SPI1: variants seen among roughly 807,000 people sequenced by gnomAD.
SPI1 encodes Spi-1 proto-oncogene, also known as transcription factor PU.1.
A neutral mutation model predicts 30.7 loss-of-function variants in SPI1; 3 were observed. That is an observed-to-expected ratio of 0.10 (90% CI 0.04 to 0.25). The LOEUF is 0.25. Ranked by LOEUF, SPI1 falls within the 10% of genes least tolerant of loss-of-function variation. The pLI, the probability that SPI1 is intolerant of heterozygous loss-of-function variation, is 1.00. For missense variants in SPI1, 261 were observed against 371.5 expected (o/e 0.70, Z 2.45); for synonymous variants, 169 against 157.1 (o/e 1.08, Z -0.56).
In SPI1 at chr11:47,375,547, G is replaced by T; in HGVS notation, c.142+86C>A. The T allele has an allele frequency of 2.8e-6, 3 of 1,075,596 alleles. No homozygotes were observed. The South Asian group carries it at 3.9e-5, about 14-fold the overall frequency. The allele number at this position is 1,075,596 out of a possible 1,614,324, so 66.6% of individuals were successfully genotyped here. On this transcript the variant is annotated intron_variant, in intron 2 of 4. Coordinates refer to ENST00000378538, the MANE Select transcript of SPI1 (RefSeq NM_003120.3). This position sits in a 1 kb window ranked among gnomAD's most constrained non-coding sequence, Gnocchi z 4.2. Reference sequence around the variant, plus strand: ...ATTCTCAGAATTCCAAAGAAGTCCTGGGAATCATTTATTCTTTTTCTCTCT... The same window carrying T: ...ATTCTCAGAATTCCAAAGAAGTCCTTGGAATCATTTATTCTTTTTCTCTCT...
In SPI1 at chr11:47,375,823, C is replaced by A; in HGVS notation, c.46-94G>T. The A allele has an allele frequency of 1.0e-6, 1 of 987,556 alleles. No homozygotes were observed. Among genetic ancestry groups the A allele is most frequent in the South Asian group, 1.3e-5 (1 of 78,032 alleles). The allele number at this position is 987,556 out of a possible 1,614,324, so 61.2% of individuals were successfully genotyped here. A position where few individuals can be genotyped will look rare whatever the true frequency, so the allele number is the denominator to read the frequency against. ...GCACGCTGGGTCCCCATCACCTTCC[C>A]TGGCTCAGTGGCTGCGTTGGACCTA... On this transcript the variant is annotated intron_variant, in intron 1 of 4. Transcript: ENST00000378538. The surrounding 1 kb of genome is among the most constrained non-coding windows in gnomAD (Gnocchi z 4.2).
In SPI1 at chr11:47,378,463, G is replaced by A. The variant is rs1339154456; in HGVS notation, c.-110C>T. Reference sequence around the variant, plus strand: ...CTGGACGGTCGTGGGGCGGGTGCAGGGCTCAGGCCTGCCCCCTGAGCTACA... The same window carrying A: ...CTGGACGGTCGTGGGGCGGGTGCAGAGCTCAGGCCTGCCCCCTGAGCTACA... On this transcript the variant is annotated 5_prime_UTR_variant, in exon 1 of 5. Coordinates refer to ENST00000378538, the MANE Select transcript of SPI1 (RefSeq NM_003120.3). 5.7e-6 allele frequency: 7 copies of A among 1,222,258 alleles called. No homozygotes were observed. The African/African-American group carries it at 9.0e-5, about 16-fold the overall frequency. 75.7% of individuals were successfully genotyped at this position (1,222,258 alleles called of 1,614,324 possible). A position where few individuals can be genotyped will look rare whatever the true frequency, so the allele number is the denominator to read the frequency against.
chr11:47,356,973 C>G, intron 4 of SPI1, among the ~76,000 whole-genome samples: 1 of 133,446 alleles, frequency 7.5e-6, no homozygotes, highest in Non-Finnish European at 1.7e-5. Context: ...CTCACGTCTG[C>G]TCACACACAT....
Position 47,355,503 on chromosome 11 carries a change from C to G in SPI1, c.537G>C (p.Leu179=). ...KIRLYQFLLD[L]LRSGDMKDSI... ...TGTCCTTCATGTCGCCGCTGCGGAG[C>G]AGGTCCAACAGGAACTGGTACAGGC... Residue 179 remains leucine (L), a synonymous_variant, in exon 5 of 5, where the codon CTG becomes CTC. Transcript: ENST00000378538. 1 of 1,608,898 alleles carries G rather than the reference C, an allele frequency of 6.2e-7. No homozygotes were observed. The highest frequency in any genetic ancestry group is 1.7e-4 in the Middle Eastern group (1 of 6,042).
At chr11:47,366,791 A>T (rs1296303104) in intron 2 of SPI1, among the ~76,000 whole-genome samples, 1 of 151,162 alleles carries the variant, frequency 6.6e-6, no homozygotes, top group Non-Finnish European at 1.5e-5. Context: ...ATTGCACTAC[A>T]GCCTGGACGA....
At chr11:47,373,957 AG>A (rs2095939162) in intron 2 of SPI1, among the ~76,000 whole-genome samples, 1 of 152,254 alleles carries the variant, frequency 6.6e-6, no homozygotes, top group Non-Finnish European at 1.5e-5. Flanking sequence ...TATTACAGGA[AG>A]GAAAACTGAG....
chr11:47,375,649 A>C lies in SPI1; in HGVS notation c.126T>G (p.Asp42Glu), dbSNP rs189217391. Residue 42 changes from aspartate to glutamate, a missense_variant, in exon 2 of 5, where the codon GAT becomes GAG. Around this residue, in one of 5 missense-constraint regions of SPI1, gnomAD observed 78 missense variants for 93.2 expected, o/e 0.84. Transcript: ENST00000378538. The surrounding 1 kb of genome is among the most constrained non-coding windows in gnomAD (Gnocchi z 4.2). ...CGTACTCACCGCTATGGCTCTCCCC[A>C]TCACTGCTGAGATAGGGGTAATACT... The part of the protein sequence containing the change: ...THEYYPYLSS[D>E]GESHSDHYWD... The C allele has an allele frequency of 3.1e-6, 5 of 1,613,734 alleles. No homozygotes were observed. Among genetic ancestry groups the C allele is most frequent in the Non-Finnish European group, 4.2e-6 (5 of 1,179,800 alleles).
At chr11:47,357,111 CCA>C (rs1452095250) in intron 4 of SPI1, among the ~76,000 whole-genome samples, 1 of 151,558 alleles carries the variant, frequency 6.6e-6, no homozygotes, top group South Asian at 2.1e-4. Context: ...ACATTCACAC[CCA>C]CTCACATGCT....
chr11:47,370,218 C>T (rs557552933), intron 2 of SPI1, among the ~76,000 whole-genome samples: 1 of 151,974 alleles, frequency 6.6e-6, no homozygotes, highest in African/African-American at 2.4e-5. Context: ...GCCTGGCCAA[C>T]ATGGTGAAAC....
rs745843503 is a variant in SPI1, at chr11:47,378,264, T to TCCGAGGG, written c.45+38_45+44dup. The TCCGAGGG allele has an allele frequency of 1.4e-5, 22 of 1,601,680 alleles. No individual in the cohort carries two copies. In the South Asian group the frequency reaches 2.3e-4, roughly 17 times the overall value. On this transcript the variant is annotated intron_variant, in intron 1 of 4. Coordinates refer to ENST00000378538, the MANE Select transcript of SPI1 (RefSeq NM_003120.3). ...GGGTTCGTGGGCAGGCAGGCAGGCG[T>TCCGAGGG]CCGAGGGCCACGGGTTGGGCTGGTG...
At chr11:47,371,609 GT>G (rs1253165527) in intron 2 of SPI1, among the ~76,000 whole-genome samples, 92 of 149,740 alleles carry the variant, frequency 6.1e-4, no homozygotes, top group African/African-American at 2.1e-3. Context: ...AGAGGTTGCA[GT>G]GAGCCAAGAT....
chr11:47,371,759 T>C (rs1167486873), intron 2 of SPI1, among the ~76,000 whole-genome samples: 3 of 152,172 alleles, frequency 2.0e-5, no homozygotes. Flanking sequence ...GTCATTTCCC[T>C]GCTCAGAACT....
At chr11:47,358,415 C>T (rs907794885) in intron 4 of SPI1, 1 of 629,376 alleles carries the variant, frequency 1.6e-6, no homozygotes, top group Non-Finnish European at 2.9e-6. Flanking sequence ...CTCACACGCA[C>T]TGAAATACAT....
chr11:47,378,394 G>A lies in SPI1; in HGVS notation c.-41C>T, dbSNP rs776292915. On this transcript the variant is annotated 5_prime_UTR_variant, in exon 1 of 5. Transcript: ENST00000378538. The stretch of plus-strand genomic sequence containing the variant: ...GTCGGTCAGATCCCCTGCCTCGGTG[G>A]GGGCCAATGCAGAGCCCCTCAGGAT... The A allele has an allele frequency of 6.1e-5, 98 of 1,599,322 alleles. 1 individual carries two copies. Among genetic ancestry groups the A allele is most frequent in the Non-Finnish European group, 8.0e-5 (94 of 1,173,052 alleles).
At chr11:47,358,627 G>T (rs1386141255) in intron 4 of SPI1, 1 of 706,300 alleles carries the variant, frequency 1.4e-6, no homozygotes, top group Admixed American at 2.0e-5. Flanking sequence ...CACACACCTG[G>T]CACACTTCAT....
chr11:47,360,124 C>T, intron 2 of SPI1, 84 bp from the exon 3 acceptor site: 2 of 1,231,338 alleles, frequency 1.6e-6, no homozygotes, highest in Non-Finnish European at 2.2e-6. Context: ...AATAATACTG[C>T]CAGGCCATAT....
chr11:47,377,263 C>T (rs986175997), intron 1 of SPI1, among the ~76,000 whole-genome samples: 1 of 152,170 alleles, frequency 6.6e-6, no homozygotes, highest in African/African-American at 2.4e-5. Context: ...GCCTCCCAGC[C>T]TCCTGGGGTG....
intron 4 of SPI1, among the ~76,000 whole-genome samples, chr11:47,357,288 CTT>C: frequency 1.3e-5 from 1 of 78,202 alleles, no homozygotes. Flanking sequence ...CAGCTGCTCA[CTT>C]ATCACTCACA....
chr11:47,378,033 G>A (rs552212622), intron 1 of SPI1, among the ~76,000 whole-genome samples: 1 of 152,104 alleles, frequency 6.6e-6, no homozygotes, highest in Non-Finnish European at 1.5e-5. Context: ...CAGGAGCCCC[G>A]GCCTCCGCCT....
Sources: gnomAD v4.1 joint callset for allele counts (sites outside exome capture counted in the v4.1 genomes callset) on GRCh38, gnomAD v4.1.1 for gene constraint, gnomAD v4.1.1 regional missense constraint, Gnocchi (gnomAD v3.1) non-coding constraint, MANE v1.5 for transcripts, NCBI Gene and HGNC (gene_info 2026-07-23, HGNC 2026-07-21) for gene names.